The following CNTN5 variants were observed in gnomAD, a reference collection of about 807,000 sequenced individuals.
CNTN5 encodes contactin-5.
Under a neutral mutation model 129.1 loss-of-function variants are expected in CNTN5, and 77 were observed. That is an observed-to-expected ratio of 0.60 (90% confidence interval 0.50 to 0.72). CNTN5 has a LOEUF of 0.72. Ranked by LOEUF, CNTN5 falls within the 30% of genes least tolerant of loss-of-function variation. The pLI is 0.00. For synonymous variants in CNTN5, 509 were observed against 465.6 expected, an observed-to-expected ratio of 1.09 and a Z score of -1.20; for missense variants, 1,478 against 1,328.8, an observed-to-expected ratio of 1.11 and a Z score of -1.75.
intron 2 of CNTN5, among the ~76,000 whole-genome samples, chr11:99,545,643 A>G (rs1272560951): frequency 1.3e-5 from 2 of 152,220 alleles, no homozygotes; most frequent in African/African-American, 2.4e-5. Flanking sequence ...TTTTCAGAAA[A>G]CAAATTTATC....
intron 7 of CNTN5, among the ~76,000 whole-genome samples, chr11:99,921,399 C>T (rs1949935668): frequency 6.6e-6 from 1 of 152,198 alleles, no homozygotes; most frequent in Admixed American, 6.5e-5. Context: ...AGGCCTGGAT[C>T]ATGTATATCC....
intron 1 of CNTN5, among the ~76,000 whole-genome samples, chr11:99,321,905 T>C (rs1040407187): frequency 5.3e-5 from 8 of 152,116 alleles, no homozygotes; most frequent in Admixed American, 4.6e-4. Flanking sequence ...AATGTGTCAG[T>C]GTGCTTATAC....
intron 3 of CNTN5, among the ~76,000 whole-genome samples, chr11:99,761,022 T>C (rs1170989644): frequency 6.6e-6 from 1 of 152,142 alleles, no homozygotes; most frequent in African/African-American, 2.4e-5. Flanking sequence ...AATTCATTAA[T>C]AGGGAACTGT....
intron 1 of CNTN5, among the ~76,000 whole-genome samples, chr11:99,209,523 C>T (rs140875509): frequency 4.2e-4 from 64 of 152,182 alleles, no homozygotes; most frequent in Non-Finnish European, 6.8e-4. Flanking sequence ...GGGGATGACA[C>T]TAAGTCATTC....
At chr11:99,976,226 T>C (rs772860429) in intron 8 of CNTN5, among the ~76,000 whole-genome samples, 5 of 152,224 alleles carry the variant, frequency 3.3e-5, no homozygotes, top group Non-Finnish European at 5.9e-5. Flanking sequence ...TGTCCCTTTG[T>C]CTCTGCAGGA....
rs116159246 is a variant in CNTN5, at chr11:99,527,498, A to G, written c.-70-28647A>G. ...TTAACAAAATTAACTATGCAAAAGA[A>G]TGCAGAGAAAAGCTACATACCAAGA... On this transcript the variant is annotated intron_variant, in intron 2 of 24. Transcript: ENST00000524871. 9.6e-3 allele frequency among the ~76,000 whole-genome samples: 1,469 copies of G among 152,322 alleles called. 30 individuals carry two copies. The highest frequency in any genetic ancestry group is 0.034 in the African/African-American group (1,403 of 41,566).
chr11:99,234,423 G>A (rs1011479620), intron 1 of CNTN5, among the ~76,000 whole-genome samples: 2 of 152,194 alleles, frequency 1.3e-5, no homozygotes, highest in Admixed American at 1.3e-4. Flanking sequence ...GCACACATAG[G>A]AGATGTTCAG....
intron 2 of CNTN5, among the ~76,000 whole-genome samples, chr11:99,451,025 G>C (rs10893353): frequency 0.17 from 26,560 of 151,866 alleles, 2,631 homozygotes; most frequent in Admixed American, 0.23. Context: ...TGATATATCC[G>C]ACACAGTTTC....
intron 6 of CNTN5, among the ~76,000 whole-genome samples, chr11:99,909,927 G>A (rs1051442120): frequency 7.2e-5 from 11 of 151,964 alleles, no homozygotes; most frequent in Admixed American, 2.0e-4. Context: ...AAACCTGCAC[G>A]TTGTGCACAT....
At chr11:99,260,551 A>G (rs1011159332) in intron 1 of CNTN5, among the ~76,000 whole-genome samples, 15 of 151,940 alleles carry the variant, frequency 9.9e-5, no homozygotes, top group Non-Finnish European at 1.6e-4. Context: ...GTCACTAAAT[A>G]TAACTATACT....
intron 17 of CNTN5, 106 bp from the exon 18 acceptor site, chr11:100,270,986 T>C: frequency 1.1e-6 from 1 of 875,624 alleles, no homozygotes. Flanking sequence ...CGTGAGGAAA[T>C]ATGCATTAGC....
At chr11:99,617,842 C>T (rs1223328182) in intron 3 of CNTN5, among the ~76,000 whole-genome samples, 1 of 151,998 alleles carries the variant, frequency 6.6e-6, no homozygotes, top group African/African-American at 2.4e-5. Context: ...CTATAGTGCC[C>T]TACACATAGT....
At chr11:99,987,425 T>C (rs1283599111) in intron 8 of CNTN5, among the ~76,000 whole-genome samples, 1 of 151,560 alleles carries the variant, frequency 6.6e-6, no homozygotes, top group Admixed American at 6.6e-5. Context: ...CACACAGTAT[T>C]CATATATACA....
At chr11:99,426,092 A>C (rs1293867062) in intron 2 of CNTN5, among the ~76,000 whole-genome samples, 1 of 152,224 alleles carries the variant, frequency 6.6e-6, no homozygotes, top group African/African-American at 2.4e-5. Flanking sequence ...ATATAATCTA[A>C]AAAGAATTAA....
At chr11:99,398,078 C>T (rs1191968948) in intron 2 of CNTN5, among the ~76,000 whole-genome samples, 2 of 151,908 alleles carry the variant, frequency 1.3e-5, no homozygotes, top group Non-Finnish European at 2.9e-5. Context: ...CAGTGAGACA[C>T]CTGGCTCCGA....
intron 1 of CNTN5, among the ~76,000 whole-genome samples, chr11:99,024,952 T>C (rs1309454619): frequency 6.6e-6 from 1 of 152,028 alleles, no homozygotes; most frequent in Non-Finnish European, 1.5e-5. Context: ...CAGAAAATGT[T>C]TCATTAGATA....
In CNTN5 at chr11:99,253,432, A is replaced by G. The variant is rs562035201; in HGVS notation, c.-209-71914A>G. On this transcript the variant is annotated intron_variant, in intron 1 of 24. Coordinates refer to ENST00000524871, the MANE Select transcript of CNTN5 (RefSeq NM_014361.4). ...ATTTACGTCAACAACGTATAGCCAT[A>G]ATTTCCATATTTTTGTAATAAATTT... Among the ~76,000 whole-genome samples the G allele has an allele frequency of 3.1e-4, 47 of 152,216 alleles. 2 individuals carry two copies. The South Asian group carries it at 9.5e-3, about 31-fold the overall frequency.
At chr11:99,201,022 CTTTTTTTTT>C (rs755605041) in intron 1 of CNTN5, among the ~76,000 whole-genome samples, 2 of 83,172 alleles carry the variant, frequency 2.4e-5, no homozygotes, top group South Asian at 4.7e-4. Flanking sequence ...TCCTTCCTTC[CTTTTTTTTT>C]TTTTTTTTTT....
chr11:99,895,124 A>G (rs1036487056), intron 6 of CNTN5, among the ~76,000 whole-genome samples: 1 of 152,224 alleles, frequency 6.6e-6, no homozygotes, highest in African/African-American at 2.4e-5. Context: ...CCTTGGTAGC[A>G]TCAGATAATA....
Sources: gnomAD v4.1 joint callset for allele counts (sites outside exome capture counted in the v4.1 genomes callset) on GRCh38, gnomAD v4.1.1 for gene constraint, MANE v1.5 for transcripts, NCBI Gene and HGNC (gene_info 2026-07-23, HGNC 2026-07-21) for gene names.